SPAG16: variants seen among roughly 807,000 people sequenced by gnomAD.
SPAG16 encodes sperm associated antigen 16, also known as sperm-associated antigen 16 protein.
In SPAG16, 86 loss-of-function variants were observed where a neutral mutation model predicts 80.4. The observed-to-expected ratio is 1.07, with a 90% confidence interval of 0.90 to 1.28. SPAG16 has a LOEUF of 1.28. Among genes scored for constraint, SPAG16 ranks in the 50% most tolerant of loss-of-function variants. The pLI, the probability that SPAG16 is intolerant of heterozygous loss-of-function variation, is 0.00. For synonymous variants in SPAG16, 294 were observed against 265.9 expected (o/e 1.11, Z -1.03); for missense variants, 870 against 765.3 (o/e 1.14, Z -1.61).
chr2:214,275,307 T>A (rs186664844), intron 15 of SPAG16, among the ~76,000 whole-genome samples: 1 of 152,348 alleles, frequency 6.6e-6, no homozygotes, highest in African/African-American at 2.4e-5. Flanking sequence ...TCAGATCTGC[T>A]CTGATCTTAG....
intron 15 of SPAG16, 63 bp downstream of exon 15, chr2:214,149,329 T>G (rs1019694001): frequency 5.9e-6 from 8 of 1,347,092 alleles, no homozygotes; most frequent in African/African-American, 3.0e-5. Flanking sequence ...GTTCTGAAAC[T>G]ATTTTGTTTC....
chr2:213,737,710 G>T (rs889749129), intron 10 of SPAG16, among the ~76,000 whole-genome samples: 1 of 151,940 alleles, frequency 6.6e-6, no homozygotes, highest in Non-Finnish European at 1.5e-5. Context: ...GGATGGTCTC[G>T]ATCTCCTGAC....
At chr2:213,712,061 T>C (rs1039065787) in intron 10 of SPAG16, among the ~76,000 whole-genome samples, 4 of 152,096 alleles carry the variant, frequency 2.6e-5, no homozygotes, top group African/African-American at 9.7e-5. Flanking sequence ...TTTATTTACA[T>C]AGACTGCAAT....
At chr2:213,867,923 CAACAAAAAAA>C (rs1489699215) in intron 11 of SPAG16, among the ~76,000 whole-genome samples, 4 of 55,374 alleles carry the variant, frequency 7.2e-5, no homozygotes, top group East Asian at 8.3e-4. Flanking sequence ...GACTCTGTCT[CAACAAAAAAA>C]AAAAAAAAAA....
At position 213,875,464 on chromosome 2, in the gene SPAG16, A is replaced by G. The variant is rs147855444; in HGVS notation, c.1214+12836A>G. Among the ~76,000 whole-genome samples, 204 of 152,250 alleles carry G rather than the reference A, an allele frequency of 1.3e-3. No individual in the cohort carries two copies. In the Middle Eastern group the frequency reaches 0.014, roughly 10 times the overall value. ...GCATCAAGGCATAGACTATCAAATG[A>G]ATGTGTCTGTTGTGTTTGTCAACTA... On this transcript the variant is annotated intron_variant, in intron 11 of 15. Coordinates refer to ENST00000331683, the MANE Select transcript of SPAG16 (RefSeq NM_024532.5).
At chr2:213,963,402 C>T (rs12473993) in intron 12 of SPAG16, among the ~76,000 whole-genome samples, 6,518 of 152,164 alleles carry the variant, frequency 0.043, 171 homozygotes, top group South Asian at 0.1. Context: ...AACACGATTT[C>T]TACGATTTCT....
intron 14 of SPAG16, among the ~76,000 whole-genome samples, chr2:214,108,651 C>T (rs2053520555): frequency 6.6e-6 from 1 of 151,996 alleles, no homozygotes; most frequent in Admixed American, 6.6e-5. Flanking sequence ...TATAATTGCT[C>T]TGTAATTTTT....
At chr2:213,968,487 C>G (rs1389092210) in intron 12 of SPAG16, among the ~76,000 whole-genome samples, 1 of 152,212 alleles carries the variant, frequency 6.6e-6, no homozygotes, top group African/African-American at 2.4e-5. Context: ...GCCACCGTGC[C>G]CGGCCTCAAC....
At position 213,393,812 on chromosome 2, in the gene SPAG16, G is replaced by A. The variant is rs114466334; in HGVS notation, c.942+18693G>A. Among the ~76,000 whole-genome samples, 283 of 151,746 alleles carry A rather than the reference G, an allele frequency of 1.9e-3. 1 individual carries two copies. The highest frequency in any genetic ancestry group is 6.4e-3 in the African/African-American group (266 of 41,364). On this transcript the variant is annotated intron_variant, in intron 9 of 15. Transcript: ENST00000331683. ...TTTTCCCAAGCAAATGAAATATGTC[G>A]CCTCACTAGGTCTTAATTTCTATTT...
intron 10 of SPAG16, among the ~76,000 whole-genome samples, chr2:213,766,745 T>C (rs2068957641): frequency 6.6e-6 from 1 of 152,142 alleles, no homozygotes; most frequent in Admixed American, 6.5e-5. Flanking sequence ...GTGAAAAGTG[T>C]CTTCGAGATG....
At chr2:214,317,980 A>G (rs1695809110) in intron 15 of SPAG16, among the ~76,000 whole-genome samples, 1 of 152,238 alleles carries the variant, frequency 6.6e-6, no homozygotes, top group Non-Finnish European at 1.5e-5. Context: ...TGTTGGCAAA[A>G]AAGAATTAGG....
intron 12 of SPAG16, among the ~76,000 whole-genome samples, chr2:214,008,435 G>A (rs1253104719): frequency 6.6e-6 from 1 of 151,314 alleles, no homozygotes; most frequent in Non-Finnish European, 1.5e-5. Context: ...TACATATGTA[G>A]CATTTAAAAA....
At chr2:214,088,623 A>G (rs893077920) in intron 13 of SPAG16, among the ~76,000 whole-genome samples, 16 of 152,112 alleles carry the variant, frequency 1.1e-4, no homozygotes, top group Admixed American at 3.3e-4. Context: ...AAAGAATAAT[A>G]TTCTAGAAAA....
At chr2:214,207,199 C>T (rs776764751) in intron 15 of SPAG16, among the ~76,000 whole-genome samples, 3 of 152,066 alleles carry the variant, frequency 2.0e-5, no homozygotes, top group Non-Finnish European at 4.4e-5. Flanking sequence ...TCCTGCTTGC[C>T]CTGGGTGCCA....
chr2:214,356,701 A>G (rs970387893), intron 15 of SPAG16, among the ~76,000 whole-genome samples: 11 of 152,090 alleles, frequency 7.2e-5, no homozygotes, highest in Middle Eastern at 3.4e-3. Flanking sequence ...AGAACCATGC[A>G]AGAACCTATA....
At chr2:213,622,481 C>T (rs1051928541) in intron 10 of SPAG16, among the ~76,000 whole-genome samples, 1 of 152,180 alleles carries the variant, frequency 6.6e-6, no homozygotes, top group Non-Finnish European at 1.5e-5. Flanking sequence ...AGAATGAGCT[C>T]CCATGGCCTC....
chr2:213,881,530 C>A (rs551952408), intron 11 of SPAG16, among the ~76,000 whole-genome samples: 6 of 152,290 alleles, frequency 3.9e-5, no homozygotes, highest in African/African-American at 1.2e-4. Flanking sequence ...TTAATTGACT[C>A]ACAGTTCAGC....
chr2:214,352,558 C>CTCTGTGTGTGTGTGTG (rs796885924), intron 15 of SPAG16, among the ~76,000 whole-genome samples: 14,873 of 142,358 alleles, frequency 0.1, 1,039 homozygotes, highest in Middle Eastern at 0.19. Context: ...CTTTTTTTCT[C>CTCTGTGTGTGTGTGTG]TGTGTGTGTG....
chr2:213,653,603 G>C (rs1406315679), intron 10 of SPAG16, among the ~76,000 whole-genome samples: 1 of 152,098 alleles, frequency 6.6e-6, no homozygotes, highest in African/African-American at 2.4e-5. Flanking sequence ...TCTACTTATT[G>C]AGCAAAACCT....
Sources: gnomAD v4.1 joint callset for allele counts (sites outside exome capture counted in the v4.1 genomes callset) on GRCh38, gnomAD v4.1.1 for gene constraint, MANE v1.5 for transcripts, NCBI Gene and HGNC (gene_info 2026-07-23, HGNC 2026-07-21) for gene names.